Variants in ISCU observed in about 807,000 individuals in gnomAD.
ISCU encodes the protein iron-sulfur cluster assembly enzyme ISCU.
ISCU carries 13 observed loss-of-function variants against 18.4 expected under a neutral mutation model. The observed-to-expected ratio is 0.71, with a 90% CI of 0.46 to 1.12. The LOEUF is 1.12. Among genes scored for constraint, ISCU ranks in the 50% most tolerant of loss-of-function variants. The pLI is 0.00. For synonymous variants in ISCU, 104 were observed against 87.5 expected (o/e 1.19, Z -1.06); for missense variants, 229 against 208.7 (o/e 1.10, Z -0.60).
rs950571558 is a variant in ISCU, at chr12:108,564,329, A to G, written c.165A>G (p.Thr55=). The change falls in exon 2 of 5, where the codon ACA becomes ACG. Residue 55 remains threonine (T), a synonymous_variant. Coordinates refer to ENST00000311893, the MANE Select transcript of ISCU (RefSeq NM_213595.4). The part of the protein sequence containing the change: ...NPRNVGSLDK[T]SKNVGTGLVG... ...GAAACGTGGGGTCCCTTGACAAGAC[A>G]TCTAAAAATGTTGGAACTGGACTGG... 6 of 1,614,116 alleles carry G rather than the reference A, an allele frequency of 3.7e-6. No individual in the cohort carries two copies. The highest frequency in any genetic ancestry group is 3.3e-5 in the Admixed American group (2 of 60,008).
rs1332731116 is a variant in ISCU at position 108,565,302 on chromosome 12, A to T, written c.229-19A>T. 1 of 1,590,326 alleles carries T rather than the reference A, an allele frequency of 6.3e-7. No individual in the cohort carries two copies. Among genetic ancestry groups the T allele is most frequent in the East Asian group, 2.2e-5 (1 of 44,758 alleles). On this transcript the variant is annotated intron_variant, in intron 2 of 4. Transcript: ENST00000311893. ...GGGTGGTCCCAGGACTCACCACTTA[A>T]CTCTTGTCTCTTTTCTAGATTCAAG...
At chr12:108,568,113 G>C in intron 4 of ISCU, 1 of 1,369,720 alleles carries the variant, frequency 7.3e-7, no homozygotes, top group Admixed American at 3.3e-5. Context: ...ACTTGATCTG[G>C]AATTTTAAGT....
At chr12:108,565,578 T>G (rs930897655) in intron 3 of ISCU, 147 bp downstream of exon 3, 10 of 654,782 alleles carry the variant, frequency 1.5e-5, no homozygotes, top group South Asian at 3.7e-5. Flanking sequence ...CTACTAGGTG[T>G]TGTTTGGGTT....
At chr12:108,563,983 G>A (rs1712028749) in intron 1 of ISCU, 2 of 916,640 alleles carry the variant, frequency 2.2e-6, no homozygotes, top group Non-Finnish European at 3.7e-6. Flanking sequence ...TGGTGATGTA[G>A]GTGGGTGAAA....
At chr12:108,563,572 T>C (rs2030735925) in intron 1 of ISCU, 2 of 196,058 alleles carry the variant, frequency 1.0e-5, no homozygotes, top group Admixed American at 5.3e-5. Context: ...AACCTCAAGG[T>C]TATTAAGGCC....
chr12:108,562,405 C>G (rs1448442131), upstream of ISCU, among the ~76,000 whole-genome samples: 3 of 152,282 alleles, frequency 2.0e-5, no homozygotes, highest in Admixed American at 6.5e-5. Flanking sequence ...CCAGGACAAG[C>G]CCTCCAGCGA....
At chr12:108,562,585 G>A (rs1309948219), upstream of ISCU, 1 of 1,216,278 alleles carries the variant, frequency 8.2e-7, no homozygotes, top group East Asian at 3.1e-5. Context: ...CCCGCCCCTC[G>A]GCGTCGCTCT....
chr12:108,563,974 G>A, intron 1 of ISCU: 1 of 844,550 alleles, frequency 1.2e-6, no homozygotes, highest in Non-Finnish European at 2.1e-6. Context: ...GCCCAAGTCT[G>A]GTGATGTAGG....
upstream of ISCU, among the ~76,000 whole-genome samples, chr12:108,562,117 T>A (rs998260295): frequency 6.6e-6 from 1 of 152,222 alleles, no homozygotes; most frequent in Admixed American, 6.5e-5. Flanking sequence ...AGCGAGCCGG[T>A]ACCATTCGTC....
intron 1 of ISCU, chr12:108,564,052 TC>T: frequency 6.4e-7 from 1 of 1,572,216 alleles, no homozygotes; most frequent in East Asian, 2.2e-5. Context: ...GATTTTTTTT[TC>T]TTCTAGGTAT....
intron 4 of ISCU, chr12:108,567,484 A>G (rs1193880787): frequency 3.1e-5 from 22 of 719,818 alleles, no homozygotes; most frequent in Non-Finnish European, 4.6e-5. Flanking sequence ...ACCAGCCATC[A>G]TACTGAGCAC....
intron 3 of ISCU, among the ~76,000 whole-genome samples, chr12:108,565,706 A>G (rs1211472804): frequency 1.3e-5 from 2 of 152,260 alleles, no homozygotes; most frequent in East Asian, 3.9e-4. Flanking sequence ...GGCTTTCTCT[A>G]AGGTTACCAG....
At chr12:108,567,960 G>A in intron 4 of ISCU, 1 of 1,467,018 alleles carries the variant, frequency 6.8e-7, no homozygotes, top group African/African-American at 1.4e-5. Context: ...ATGCATCGAT[G>A]GAGGTTTACT....
At chr12:108,568,134 A>C in intron 4 of ISCU, 3 of 1,361,868 alleles carry the variant, frequency 2.2e-6, no homozygotes, top group Non-Finnish European at 2.8e-6. Context: ...ACCCATAAAG[A>C]AAGGTCATCA....
chr12:108,563,982 A>G, intron 1 of ISCU: 1 of 894,190 alleles, frequency 1.1e-6, no homozygotes. Context: ...CTGGTGATGT[A>G]GGTGGGTGAA....
chr12:108,565,079 T>G lies in ISCU; in HGVS notation c.229-242T>G, dbSNP rs143231121. 7.9e-4 allele frequency: 441 copies of G among 556,406 alleles called. 2 individuals are homozygous for G. The highest frequency in any genetic ancestry group is 7.5e-3 in the African/African-American group (402 of 53,340). The allele number at this position is 556,406 out of a possible 1,614,324, so 34.5% of individuals were successfully genotyped here. On this transcript the variant is annotated intron_variant, in intron 2 of 4. Coordinates refer to ENST00000311893, the MANE Select transcript of ISCU (RefSeq NM_213595.4). The stretch of plus-strand genomic sequence containing the variant: ...AGGCCAGAGTCACAAAACAAAAGAA[T>G]ATTGGAGTGGAGGGACATATTTTTC...
intron 2 of ISCU, 68 bp from the exon 3 acceptor site, chr12:108,565,253 C>G (rs1195558618): frequency 2.6e-6 from 3 of 1,171,840 alleles, no homozygotes; most frequent in African/African-American, 3.0e-5. Flanking sequence ...CCCTGGTGAA[C>G]CTTCGTGAGT....
rs1438022153 is a variant in ISCU, at chr12:108,569,102, G to A, written c.*186G>A. 1 of 619,198 alleles carries A rather than the reference G, an allele frequency of 1.6e-6. No individual in the cohort carries two copies. The highest frequency in any genetic ancestry group is 2.9e-6 in the Non-Finnish European group (1 of 348,962). 38.4% of individuals were successfully genotyped at this position (619,198 alleles called of 1,614,324 possible). On this transcript the variant is annotated 3_prime_UTR_variant, in exon 5 of 5. Coordinates refer to ENST00000311893, the MANE Select transcript of ISCU (RefSeq NM_213595.4). The stretch of plus-strand genomic sequence containing the variant: ...CAGTTTCATTGTTCTGAATCCTGTG[G>A]TTTCTTTCAGCCCACTTTTATCGCC...
chr12:108,564,564 C>G (rs10083030), intron 2 of ISCU, among the ~76,000 whole-genome samples, 172 bp downstream of exon 2: 1 of 152,166 alleles, frequency 6.6e-6, no homozygotes, highest in Non-Finnish European at 1.5e-5. Context: ...GGAGCAGGGC[C>G]TCAATCGTAG....
Sources: gnomAD v4.1 joint callset for allele counts (sites outside exome capture counted in the v4.1 genomes callset) on GRCh38, gnomAD v4.1.1 for gene constraint, MANE v1.5 for transcripts, NCBI Gene and HGNC (gene_info 2026-07-23, HGNC 2026-07-21) for gene names.